Variants in NELL2 observed in about 807,000 individuals in gnomAD.
NELL2 encodes protein kinase C-binding protein NELL2.
NELL2 carries 41 observed loss-of-function variants against 109.6 expected under a neutral mutation model. That is an observed-to-expected ratio of 0.37 (90% CI 0.29 to 0.49). The LOEUF is 0.49. NELL2 is among the 20% of genes least tolerant of loss of function. The pLI, the probability that NELL2 is intolerant of heterozygous loss-of-function variation, is 0.98. For missense variants in NELL2, 900 were observed against 1,008.3 expected, an observed-to-expected ratio of 0.89 and a Z score of 1.45; for synonymous variants, 355 against 344.7, an observed-to-expected ratio of 1.03 and a Z score of -0.33.
intron 13 of NELL2, among the ~76,000 whole-genome samples, chr12:44,617,020 T>C (rs1348174621): frequency 6.6e-6 from 1 of 152,198 alleles, no homozygotes; most frequent in South Asian, 2.1e-4. Flanking sequence ...GAATGTTCTA[T>C]GTTACAACTC....
intron 13 of NELL2, among the ~76,000 whole-genome samples, chr12:44,634,889 T>C (rs375198823): frequency 1.8e-4 from 27 of 152,262 alleles, no homozygotes; most frequent in African/African-American, 6.0e-4. Context: ...TTTCTGTTCT[T>C]GTGTTAATTT....
At chr12:44,824,989 C>T (rs1479496284) in intron 2 of NELL2, among the ~76,000 whole-genome samples, 3 of 152,104 alleles carry the variant, frequency 2.0e-5, no homozygotes, top group Non-Finnish European at 4.4e-5. Flanking sequence ...GGATTACAGG[C>T]GTGAGCCACC....
intron 13 of NELL2, among the ~76,000 whole-genome samples, chr12:44,661,799 G>A (rs1030500607): frequency 6.6e-5 from 10 of 152,058 alleles, no homozygotes; most frequent in African/African-American, 1.9e-4. Context: ...AAGCATCTTG[G>A]CTCATGTTTT....
chr12:44,899,746 A>G (rs1945638402), intron 1 of NELL2, among the ~76,000 whole-genome samples: 1 of 152,212 alleles, frequency 6.6e-6, no homozygotes, highest in Non-Finnish European at 1.5e-5. Flanking sequence ...GACAGGACCA[A>G]ATTCACACAT....
intron 2 of NELL2, among the ~76,000 whole-genome samples, chr12:44,827,147 CT>C (rs1943736759): frequency 6.6e-6 from 1 of 151,894 alleles, no homozygotes; most frequent in Non-Finnish European, 1.5e-5. Context: ...AATTTTGTAA[CT>C]TTTTTTAAAA....
At chr12:44,735,787 A>G (rs765585765) in intron 9 of NELL2, among the ~76,000 whole-genome samples, 1 of 152,020 alleles carries the variant, frequency 6.6e-6, no homozygotes, top group Non-Finnish European at 1.5e-5. Flanking sequence ...TTTAAAAAAT[A>G]TTTTTATCCT....
At chr12:44,620,380 CA>C (rs1461485655) in intron 13 of NELL2, among the ~76,000 whole-genome samples, 1 of 152,132 alleles carries the variant, frequency 6.6e-6, no homozygotes, top group African/African-American at 2.4e-5. Context: ...AGGAATGCAT[CA>C]TTGATCTATA....
chr12:44,715,626 G>C (rs1938444011), intron 9 of NELL2, among the ~76,000 whole-genome samples: 1 of 151,846 alleles, frequency 6.6e-6, no homozygotes, highest in Admixed American at 6.6e-5. Flanking sequence ...TCATAATTTT[G>C]TATTGTTTAT....
At chr12:44,592,516 G>T (rs1175766549) in intron 15 of NELL2, among the ~76,000 whole-genome samples, 1 of 152,090 alleles carries the variant, frequency 6.6e-6, no homozygotes, top group African/African-American at 2.4e-5. Context: ...CAGAACAAGA[G>T]GGAGATAGAG....
At chr12:44,645,123 A>AG (rs1947045721) in intron 13 of NELL2, among the ~76,000 whole-genome samples, 1 of 152,150 alleles carries the variant, frequency 6.6e-6, no homozygotes, top group Admixed American at 6.5e-5. Context: ...AATTTCTTCT[A>AG]GGAAATAAGA....
chr12:44,750,388 T>A (rs1357816040), intron 9 of NELL2, among the ~76,000 whole-genome samples: 1 of 152,162 alleles, frequency 6.6e-6, no homozygotes, highest in African/African-American at 2.4e-5. Context: ...TCCTAATACA[T>A]TAATGCTAGA....
intron 8 of NELL2, among the ~76,000 whole-genome samples, chr12:44,775,221 A>ACGCACGCACACACACATGCATGTGCGTG (rs772453755): frequency 6.6e-6 from 1 of 151,946 alleles, no homozygotes; most frequent in African/African-American, 2.4e-5. Context: ...ACGAACATGC[A>ACGCACGCACACACACATGCATGTGCGTG]CGCACGCACA....
chr12:44,591,502 T>C lies in NELL2; in HGVS notation c.1663+15667A>G, dbSNP rs115015666. On this transcript the variant is annotated intron_variant, in intron 15 of 19. Transcript: ENST00000429094. The stretch of plus-strand genomic sequence containing the variant: ...ACATGGATGAGAACATTATATTAAG[T>C]GAAATAAGCCAGGTGCAGAAAGAGA... 3.7e-3 allele frequency among the ~76,000 whole-genome samples: 569 copies of C among 152,142 alleles called. 3 individuals are homozygous for C. The highest frequency in any genetic ancestry group is 0.03 in the East Asian group (153 of 5,168).
At chr12:44,764,041 A>G (rs1227330609) in intron 9 of NELL2, among the ~76,000 whole-genome samples, 1 of 152,196 alleles carries the variant, frequency 6.6e-6, no homozygotes. Context: ...GGGAAATTAG[A>G]CAGATGTGAT....
At chr12:44,711,651 TCTGGGTAATC>T (rs1938210009) in intron 10 of NELL2, among the ~76,000 whole-genome samples, 1 of 152,068 alleles carries the variant, frequency 6.6e-6, no homozygotes, top group South Asian at 2.1e-4. Flanking sequence ...TTGCCAAACA[TCTGGGTAATC>T]CTGGAAAATT....
At chr12:44,837,832 A>C (rs1460072586) in intron 2 of NELL2, among the ~76,000 whole-genome samples, 3 of 152,192 alleles carry the variant, frequency 2.0e-5, no homozygotes, top group African/African-American at 7.2e-5. Flanking sequence ...TACCTTACTG[A>C]ATTAAAAAAT....
intron 9 of NELL2, among the ~76,000 whole-genome samples, chr12:44,724,103 C>T (rs1022285220): frequency 6.6e-6 from 1 of 151,840 alleles, no homozygotes; most frequent in African/African-American, 2.4e-5. Context: ...AACTTGGACA[C>T]AGCTAGAGGC....
intron 2 of NELL2, among the ~76,000 whole-genome samples, chr12:44,818,745 T>TTC (rs1943441550): frequency 1.5e-5 from 2 of 133,576 alleles, no homozygotes; most frequent in Admixed American, 7.3e-5. Context: ...TTTTATTTTT[T>TTC]TTTTTTTTGA....
intron 9 of NELL2, among the ~76,000 whole-genome samples, chr12:44,751,012 A>G (rs564935597): frequency 1.2e-4 from 18 of 152,294 alleles, no homozygotes; most frequent in African/African-American, 3.8e-4. Flanking sequence ...AGTCCAAAAG[A>G]GCAGAATAAA....
Sources: gnomAD v4.1 joint callset for allele counts (sites outside exome capture counted in the v4.1 genomes callset) on GRCh38, gnomAD v4.1.1 for gene constraint, MANE v1.5 for transcripts, NCBI Gene and HGNC (gene_info 2026-07-23, HGNC 2026-07-21) for gene names.